The following TTC7B variants were observed in gnomAD, a reference collection of about 807,000 sequenced individuals.
TTC7B encodes the protein tetratricopeptide repeat domain 7B.
In TTC7B, 28 loss-of-function variants were observed where a neutral mutation model predicts 106.8. The ratio of observed to expected loss-of-function variants is 0.26; its 90% confidence interval spans 0.19 to 0.36. The LOEUF (loss-of-function observed/expected upper bound fraction) is 0.36. Among genes scored for constraint, TTC7B ranks in the 10% least tolerant of loss-of-function variants. TTC7B has a pLI of 1.00. For missense variants in TTC7B, 862 were observed against 1,076.4 expected (o/e 0.80, Z 2.79); for synonymous variants, 405 against 430.6 (o/e 0.94, Z 0.74).
At chr14:90,555,415 G>T (rs945352548) in intron 19 of TTC7B, among the ~76,000 whole-genome samples, 1 of 152,206 alleles carries the variant, frequency 6.6e-6, no homozygotes, top group Non-Finnish European at 1.5e-5. Flanking sequence ...GGAAGGGGGG[G>T]GTGTTTGATG....
chr14:90,550,911 C>T (rs1890049544), intron 19 of TTC7B, among the ~76,000 whole-genome samples: 1 of 152,130 alleles, frequency 6.6e-6, no homozygotes, highest in Non-Finnish European at 1.5e-5. Flanking sequence ...CTTGTCTATG[C>T]TCCCAAGTCA....
Position 90,526,336 on chromosome 14 carries a change from A to T in TTC7B, c.*15032T>A, listed in dbSNP as rs1168150763. The T allele has an allele frequency of 6.6e-6, 1 of 152,224 alleles. No individual in the cohort carries two copies. The highest frequency in any genetic ancestry group is 2.4e-5 in the African/African-American group (1 of 41,448). 9.4% of individuals were successfully genotyped at this position (152,224 alleles called of 1,614,324 possible). A position where few individuals can be genotyped will look rare whatever the true frequency, so the allele number is the denominator to read the frequency against. On this transcript the variant is annotated 3_prime_UTR_variant, in exon 20 of 20. Coordinates refer to ENST00000328459, the MANE Select transcript of TTC7B (RefSeq NM_001010854.2). Reference sequence around the variant, plus strand: ...CCTAGACCTTACTTTAAAAAAAAATAAACTATTAAGTTTGGGATAATTTTA... The same window carrying T: ...CCTAGACCTTACTTTAAAAAAAAATTAACTATTAAGTTTGGGATAATTTTA...
At chr14:90,607,208 A>G (rs553545636) in intron 17 of TTC7B, among the ~76,000 whole-genome samples, 1 of 152,348 alleles carries the variant, frequency 6.6e-6, no homozygotes, top group South Asian at 2.1e-4. Flanking sequence ...GGGGGAAAAC[A>G]AAACAGATCC....
intron 15 of TTC7B, among the ~76,000 whole-genome samples, chr14:90,643,092 C>G (rs979704460): frequency 6.6e-6 from 1 of 152,198 alleles, no homozygotes; most frequent in South Asian, 2.1e-4. Flanking sequence ...CATCAAATCA[C>G]TACATTCTAA....
rs2139753752 is a variant in TTC7B, at chr14:90,535,015, T to C, written c.*6353A>G. On this transcript the variant is annotated 3_prime_UTR_variant, in exon 20 of 20. Coordinates refer to ENST00000328459, the MANE Select transcript of TTC7B (RefSeq NM_001010854.2). The stretch of plus-strand genomic sequence containing the variant: ...AGACACGCCCACCTGTGCACGAGCA[T>C]GCACCTCCCCCAGGCCATGACCACA... The C allele has an allele frequency of 6.6e-6, 1 of 152,228 alleles. No homozygotes were observed. The highest frequency in any genetic ancestry group is 2.1e-4 in the South Asian group (1 of 4,830). The allele number at this position is 152,228 out of a possible 1,614,324, so 9.4% of individuals were successfully genotyped here.
intron 6 of TTC7B, among the ~76,000 whole-genome samples, 164 bp from the exon 7 acceptor site, chr14:90,689,876 CAAGA>C (rs759900626): frequency 3.9e-5 from 6 of 152,022 alleles, no homozygotes; most frequent in Non-Finnish European, 5.9e-5. Context: ...CAGTTTATGA[CAAGA>C]AAGAAAAGAA....
In TTC7B at chr14:90,532,729, T is replaced by C. The variant is rs1261247911; in HGVS notation, c.*8639A>G. The C allele has an allele frequency of 6.6e-6, 1 of 152,154 alleles. No homozygotes were observed. The allele number at this position is 152,154 out of a possible 1,614,324, so 9.4% of individuals were successfully genotyped here. A position where few individuals can be genotyped will look rare whatever the true frequency, so the allele number is the denominator to read the frequency against. On this transcript the variant is annotated 3_prime_UTR_variant, in exon 20 of 20. Transcript: ENST00000328459. Reference sequence around the variant, plus strand: ...ACCAGCTCCCCAGCCCAGGTACCTGTGTCTGGCCAGGGGTCCTTGATACAC... The same window carrying C: ...ACCAGCTCCCCAGCCCAGGTACCTGCGTCTGGCCAGGGGTCCTTGATACAC...
chr14:90,729,403 A>T (rs1173285390), intron 5 of TTC7B, among the ~76,000 whole-genome samples: 1 of 152,178 alleles, frequency 6.6e-6, no homozygotes, highest in Non-Finnish European at 1.5e-5. Context: ...TGCAAAGCCT[A>T]CGGGGGTGCT....
intron 9 of TTC7B, among the ~76,000 whole-genome samples, chr14:90,671,942 G>A (rs1566829191): frequency 6.6e-6 from 1 of 152,196 alleles, no homozygotes; most frequent in Non-Finnish European, 1.5e-5. Context: ...ACTTACCCCT[G>A]TGAGCACAGT....
chr14:90,815,816 C>A (rs572040924), intron 1 of TTC7B, among the ~76,000 whole-genome samples: 1 of 152,276 alleles, frequency 6.6e-6, no homozygotes, highest in Admixed American at 6.5e-5. Context: ...GACCCCCTCA[C>A]CCCATCACCT....
chr14:90,606,092 C>T (rs1437970975), intron 17 of TTC7B, among the ~76,000 whole-genome samples: 1 of 152,188 alleles, frequency 6.6e-6, no homozygotes, highest in African/African-American at 2.4e-5. Context: ...AAGCAATTTG[C>T]TTTTCAACTG....
At chr14:90,774,220 C>G (rs1739415965) in intron 3 of TTC7B, among the ~76,000 whole-genome samples, 1 of 152,192 alleles carries the variant, frequency 6.6e-6, no homozygotes, top group South Asian at 2.1e-4. Context: ...TCTGTAGCCG[C>G]TCCGCTCACC....
chr14:90,767,083 G>A, intron 3 of TTC7B: 1 of 655,894 alleles, frequency 1.5e-6, no homozygotes, highest in East Asian at 2.7e-5. Flanking sequence ...GCTGGGTGCA[G>A]TAGCTCACAC....
At chr14:90,637,191 A>C (rs1286430) in intron 15 of TTC7B, among the ~76,000 whole-genome samples, 3,305 of 152,270 alleles carry the variant, frequency 0.022, 113 homozygotes, top group African/African-American at 0.075. Context: ...AGAATTGAAA[A>C]AAACTTAACC....
intron 9 of TTC7B, among the ~76,000 whole-genome samples, chr14:90,670,194 T>C (rs942160249): frequency 2.6e-5 from 4 of 152,232 alleles, no homozygotes; most frequent in African/African-American, 9.6e-5. Context: ...ATCAGATATA[T>C]TGTTATAACA....
At chr14:90,744,301 T>TTTTCTTTC (rs530820356) in intron 4 of TTC7B, among the ~76,000 whole-genome samples, 1 of 152,022 alleles carries the variant, frequency 6.6e-6, no homozygotes, top group Admixed American at 6.5e-5. Context: ...AACCATCTAT[T>TTTTCTTTC]TTTCTTTCTT....
intron 9 of TTC7B, among the ~76,000 whole-genome samples, chr14:90,659,213 T>TTGTGTGTGTGTGTGTG (rs148678143): frequency 7.5e-5 from 11 of 146,718 alleles, no homozygotes; most frequent in African/African-American, 2.8e-4. Flanking sequence ...ACGAGTGTGA[T>TTGTGTGTGTGTGTGTG]TGTGTGTGTG....
At chr14:90,627,100 G>T (rs1337391219) in intron 15 of TTC7B, among the ~76,000 whole-genome samples, 1 of 152,182 alleles carries the variant, frequency 6.6e-6, no homozygotes, top group African/African-American at 2.4e-5. Context: ...TCCCGTCTCA[G>T]CCTCCTGAGT....
At chr14:90,696,654 T>C (rs926530005) in intron 5 of TTC7B, among the ~76,000 whole-genome samples, 1 of 152,148 alleles carries the variant, frequency 6.6e-6, no homozygotes, top group Non-Finnish European at 1.5e-5. Context: ...CTACATGACA[T>C]CCCAGGGCTC....
Sources: gnomAD v4.1 joint callset for allele counts (sites outside exome capture counted in the v4.1 genomes callset) on GRCh38, gnomAD v4.1.1 for gene constraint, MANE v1.5 for transcripts, NCBI Gene and HGNC (gene_info 2026-07-23, HGNC 2026-07-21) for gene names.